PXDNL: variants seen among roughly 807,000 people sequenced by gnomAD.
PXDNL encodes the protein probable oxidoreductase PXDNL.
Under a neutral mutation model 150.8 loss-of-function variants are expected in PXDNL, and 145 were observed. The ratio of observed to expected loss-of-function variants is 0.96; its 90% CI spans 0.84 to 1.10. The LOEUF (loss-of-function observed/expected upper bound fraction) is 1.10. PXDNL is among the 50% of genes least tolerant of loss of function. PXDNL has a pLI of 0.00. For missense variants in PXDNL, 2,087 were observed against 1,873.9 expected (o/e 1.11, Z -2.10); for synonymous variants, 757 against 725.7 (o/e 1.04, Z -0.69).
At chr8:51,618,928 T>C (rs1277804483) in intron 2 of PXDNL, among the ~76,000 whole-genome samples, 1 of 152,220 alleles carries the variant, frequency 6.6e-6, no homozygotes, top group Non-Finnish European at 1.5e-5. Flanking sequence ...CGCAGGCAGA[T>C]GCTTTAGTAT....
At chr8:51,559,330 A>AAAC (rs1812664794) in intron 3 of PXDNL, among the ~76,000 whole-genome samples, 2 of 98,066 alleles carry the variant, frequency 2.0e-5, no homozygotes, top group Non-Finnish European at 4.7e-5. Context: ...TTTCTTCCAA[A>AAAC]CCCCCCCCCC....
intron 3 of PXDNL, among the ~76,000 whole-genome samples, chr8:51,577,953 AAG>A (rs1813100135): frequency 1.0e-5 from 1 of 97,992 alleles, no homozygotes; most frequent in African/African-American, 4.0e-5. Flanking sequence ...GAAAGAAAGA[AAG>A]AAAGAAAGAA....
intron 2 of PXDNL, among the ~76,000 whole-genome samples, chr8:51,621,420 C>T (rs1468853147): frequency 2.7e-5 from 4 of 149,416 alleles, no homozygotes; most frequent in Non-Finnish European, 5.9e-5. Flanking sequence ...TATAAAATAA[C>T]ATTACAAAAG....
intron 2 of PXDNL, among the ~76,000 whole-genome samples, chr8:51,614,443 T>G (rs976667612): frequency 1.3e-5 from 2 of 152,204 alleles, no homozygotes; most frequent in Non-Finnish European, 1.5e-5. Flanking sequence ...TCTGGCTGTT[T>G]CTCTACCTCA....
chr8:51,324,892 ATTTG>A (rs1421098614), intron 21 of PXDNL, among the ~76,000 whole-genome samples: 2 of 148,992 alleles, frequency 1.3e-5, no homozygotes, highest in Non-Finnish European at 3.0e-5. Context: ...TTATTTATTT[ATTTG>A]TTTGTTTATT....
chr8:51,663,778 G>T (rs1222629845), intron 1 of PXDNL, among the ~76,000 whole-genome samples: 1 of 152,126 alleles, frequency 6.6e-6, no homozygotes, highest in Non-Finnish European at 1.5e-5. Context: ...AGATGAGGGG[G>T]CCACGGTGGG....
At chr8:51,499,841 A>G in intron 4 of PXDNL, 71 bp from the exon 5 acceptor site, 2 of 986,240 alleles carry the variant, frequency 2.0e-6, no homozygotes, top group Non-Finnish European at 3.3e-6. Flanking sequence ...AAGAATTAGC[A>G]ATTGCTTCAG....
chr8:51,350,727 C>G (rs897091655), intron 19 of PXDNL, among the ~76,000 whole-genome samples: 1 of 152,130 alleles, frequency 6.6e-6, no homozygotes, highest in African/African-American at 2.4e-5. Flanking sequence ...GAGCAGGAAC[C>G]GCCATGTTGG....
intron 15 of PXDNL, among the ~76,000 whole-genome samples, chr8:51,412,265 G>T (rs966100795): frequency 6.6e-6 from 1 of 152,128 alleles, no homozygotes; most frequent in Non-Finnish European, 1.5e-5. Context: ...CTTTGGTTAA[G>T]CACTTTCTAT....
At chr8:51,469,212 T>C (rs549519307) in intron 8 of PXDNL, among the ~76,000 whole-genome samples, 12 of 152,180 alleles carry the variant, frequency 7.9e-5, no homozygotes, top group African/African-American at 2.9e-4. Context: ...ACCGCAAATA[T>C]AACTGCTGTA....
intron 19 of PXDNL, among the ~76,000 whole-genome samples, chr8:51,360,915 C>A (rs1048485765): frequency 2.0e-5 from 3 of 152,212 alleles, no homozygotes; most frequent in Non-Finnish European, 4.4e-5. Flanking sequence ...CCTACTCTGG[C>A]TCAGGAGTCT....
intron 1 of PXDNL, among the ~76,000 whole-genome samples, chr8:51,655,726 G>A (rs1354657509): frequency 6.6e-6 from 1 of 152,174 alleles, no homozygotes; most frequent in East Asian, 1.9e-4. Flanking sequence ...TTGTTTTTAA[G>A]CATTGACATG....
intron 12 of PXDNL, among the ~76,000 whole-genome samples, chr8:51,430,071 C>A (rs943007164): frequency 4.6e-4 from 66 of 144,668 alleles, no homozygotes; most frequent in Non-Finnish European, 1.4e-4. Flanking sequence ...TCATAGCCTC[C>A]TTTGTCTGAT....
At chr8:51,785,542 T>C (rs2037452921) in intron 1 of PXDNL, among the ~76,000 whole-genome samples, 1 of 152,242 alleles carries the variant, frequency 6.6e-6, no homozygotes, top group Non-Finnish European at 1.5e-5. Flanking sequence ...TGTATCATAT[T>C]TGGGTAATTC....
intron 21 of PXDNL, among the ~76,000 whole-genome samples, chr8:51,337,110 T>C (rs528468382): frequency 6.6e-6 from 1 of 152,176 alleles, no homozygotes; most frequent in African/African-American, 2.4e-5. Flanking sequence ...TCCATCTTGA[T>C]AAATTTAGAT....
At chr8:51,785,018 G>A (rs1259594436) in intron 1 of PXDNL, among the ~76,000 whole-genome samples, 2 of 152,122 alleles carry the variant, frequency 1.3e-5, no homozygotes, top group Non-Finnish European at 2.9e-5. Flanking sequence ...CACATTTTAA[G>A]CATCAGTGGT....
intron 17 of PXDNL, among the ~76,000 whole-genome samples, chr8:51,405,881 A>G (rs2130878912): frequency 6.6e-6 from 1 of 152,314 alleles, no homozygotes; most frequent in East Asian, 1.9e-4. Flanking sequence ...CACTAGTTCA[A>G]ACATTCTCCC....
chr8:51,404,895 C>G (rs554422135), intron 17 of PXDNL, among the ~76,000 whole-genome samples: 1 of 152,150 alleles, frequency 6.6e-6, no homozygotes, highest in Non-Finnish European at 1.5e-5. Context: ...CAGGGAGGCT[C>G]GGGCTGCACA....
chr8:51,705,016 G>T (rs111927825), intron 1 of PXDNL, among the ~76,000 whole-genome samples: 1 of 152,104 alleles, frequency 6.6e-6, no homozygotes, highest in African/African-American at 2.4e-5. Context: ...CAACACTGTG[G>T]GCTGGCTTAT....
Sources: gnomAD v4.1 joint callset for allele counts (sites outside exome capture counted in the v4.1 genomes callset) on GRCh38, gnomAD v4.1.1 for gene constraint, MANE v1.5 for transcripts, NCBI Gene and HGNC (gene_info 2026-07-23, HGNC 2026-07-21) for gene names.